Variants in USH2A observed in about 807,000 individuals in gnomAD.
The protein encoded by USH2A is Usher syndrome 2A (autosomal recessive, mild).
In USH2A, 443 loss-of-function variants were observed where a neutral mutation model predicts 538.9. That is an observed-to-expected ratio of 0.82 (90% CI 0.76 to 0.89). USH2A has a LOEUF of 0.89. Among genes scored for constraint, USH2A ranks in the 40% least tolerant of loss-of-function variants. USH2A has a pLI of 0.00. For missense variants in USH2A, 6,633 were observed against 6,324.8 expected (o/e 1.05, Z -1.65); for synonymous variants, 2,413 against 2,273.5 (o/e 1.06, Z -1.75).
intron 38 of USH2A, among the ~76,000 whole-genome samples, chr1:215,907,746 T>A (rs192379007): frequency 2.0e-4 from 31 of 152,108 alleles, no homozygotes; most frequent in Non-Finnish European, 2.5e-4. Context: ...TAAAGGACTG[T>A]TAAAGGAGAA....
At chr1:215,894,476 C>T (rs1665276405) in intron 40 of USH2A, among the ~76,000 whole-genome samples, 1 of 152,126 alleles carries the variant, frequency 6.6e-6, no homozygotes, top group Admixed American at 6.6e-5. Context: ...TTTCCTTCCT[C>T]TTCTGTTACA....
At chr1:215,735,456 G>A (rs1660129859) in intron 60 of USH2A, among the ~76,000 whole-genome samples, 1 of 152,136 alleles carries the variant, frequency 6.6e-6, no homozygotes, top group Admixed American at 6.5e-5. Flanking sequence ...AGAAAGTGAT[G>A]GTGATATTCA....
chr1:216,389,786 A>T (rs890219849), intron 3 of USH2A, among the ~76,000 whole-genome samples: 1 of 152,186 alleles, frequency 6.6e-6, no homozygotes, highest in African/African-American at 2.4e-5. Context: ...ATCTTGCCTC[A>T]AACACATTTT....
chr1:216,310,537 C>CT (rs1020722959), intron 9 of USH2A, among the ~76,000 whole-genome samples: 2 of 151,904 alleles, frequency 1.3e-5, no homozygotes, highest in Non-Finnish European at 1.5e-5. Flanking sequence ...TCTTTGTGTT[C>CT]TTTTTTTCTC....
At chr1:216,248,978 G>A (rs571536139) in intron 12 of USH2A, among the ~76,000 whole-genome samples, 6 of 152,094 alleles carry the variant, frequency 3.9e-5, no homozygotes, top group Non-Finnish European at 8.8e-5. Context: ...GTATTTTACT[G>A]GTGATAGAAT....
At chr1:215,831,018 G>C (rs1298426179) in intron 47 of USH2A, among the ~76,000 whole-genome samples, 1 of 152,002 alleles carries the variant, frequency 6.6e-6, no homozygotes, top group Non-Finnish European at 1.5e-5. Context: ...GGAATCAATC[G>C]AAAAATCACC....
intron 32 of USH2A, among the ~76,000 whole-genome samples, chr1:216,004,895 T>C (rs1001841689): frequency 2.0e-5 from 3 of 152,142 alleles, no homozygotes; most frequent in Admixed American, 6.5e-5. Flanking sequence ...ATGCAGACTA[T>C]GTGGGTGCCA....
At chr1:215,807,248 T>C (rs1662530287) in intron 49 of USH2A, among the ~76,000 whole-genome samples, 1 of 152,134 alleles carries the variant, frequency 6.6e-6, no homozygotes, top group African/African-American at 2.4e-5. Flanking sequence ...CTTGTTAACT[T>C]CTTAGTTTTA....
intron 22 of USH2A, among the ~76,000 whole-genome samples, chr1:216,095,389 T>A (rs2032416963): frequency 6.6e-6 from 1 of 152,208 alleles, no homozygotes; most frequent in African/African-American, 2.4e-5. Flanking sequence ...AATAATATCT[T>A]CCATTATGTA....
At chr1:216,230,721 G>C (rs2035660142) in intron 14 of USH2A, among the ~76,000 whole-genome samples, 1 of 152,076 alleles carries the variant, frequency 6.6e-6, no homozygotes, top group Middle Eastern at 3.4e-3. Context: ...GAAATAATTA[G>C]CAATTAGATT....
intron 11 of USH2A, among the ~76,000 whole-genome samples, chr1:216,266,536 A>G (rs1335146727): frequency 1.3e-5 from 2 of 152,138 alleles, no homozygotes; most frequent in African/African-American, 2.4e-5. Flanking sequence ...TTAACTTCCT[A>G]TATCAGGAAG....
At chr1:215,702,275 G>A (rs913379427) in intron 61 of USH2A, among the ~76,000 whole-genome samples, 3 of 152,040 alleles carry the variant, frequency 2.0e-5, no homozygotes, top group African/African-American at 7.2e-5. Flanking sequence ...TTCAACTTTG[G>A]TGAATCTGAT....
chr1:215,626,329 G>T (rs1656023447), intron 71 of USH2A, among the ~76,000 whole-genome samples: 1 of 150,098 alleles, frequency 6.7e-6, no homozygotes, highest in Non-Finnish European at 1.5e-5. Flanking sequence ...ATGTATGTAT[G>T]TATATAGTAT....
intron 21 of USH2A, among the ~76,000 whole-genome samples, chr1:216,113,263 G>A (rs79847045): frequency 0.046 from 6,926 of 151,990 alleles, 187 homozygotes; most frequent in South Asian, 0.13. Context: ...CTTAAATGGA[G>A]ATACTGAATT....
At chr1:215,946,786 T>C (rs1049567418) in intron 37 of USH2A, among the ~76,000 whole-genome samples, 1 of 152,188 alleles carries the variant, frequency 6.6e-6, no homozygotes, top group African/African-American at 2.4e-5. Context: ...TGATCATTGA[T>C]TCAGTTACTG....
intron 32 of USH2A, among the ~76,000 whole-genome samples, chr1:216,036,502 G>C (rs2029981491): frequency 6.6e-6 from 1 of 151,980 alleles, no homozygotes; most frequent in Non-Finnish European, 1.5e-5. Context: ...ACTCAAATAT[G>C]TGTAAAATAT....
chr1:216,100,714 A>G (rs1457357612), intron 21 of USH2A, among the ~76,000 whole-genome samples: 2 of 152,178 alleles, frequency 1.3e-5, no homozygotes, highest in South Asian at 2.1e-4. Context: ...CAATCTGGGA[A>G]GACAACTACT....
chr1:216,419,479 C>G (rs145465795), intron 2 of USH2A, among the ~76,000 whole-genome samples: 1 of 152,078 alleles, frequency 6.6e-6, no homozygotes, highest in Non-Finnish European at 1.5e-5. Flanking sequence ...CTCTTCTTCA[C>G]CTGGTTACCT....
At chr1:216,164,556 A>C (rs2034129676) in intron 21 of USH2A, among the ~76,000 whole-genome samples, 1 of 152,134 alleles carries the variant, frequency 6.6e-6, no homozygotes, top group Non-Finnish European at 1.5e-5. Context: ...AGTTAGGTTT[A>C]TAAGTACACA....
Sources: gnomAD v4.1 joint callset for allele counts (sites outside exome capture counted in the v4.1 genomes callset) on GRCh38, gnomAD v4.1.1 for gene constraint, MANE v1.5 for transcripts, NCBI Gene and HGNC (gene_info 2026-07-23, HGNC 2026-07-21) for gene names.